Variants in ADAM22 observed in about 807,000 individuals in gnomAD.
ADAM22 encodes disintegrin and metalloproteinase domain-containing protein 22.
ADAM22 carries 65 observed loss-of-function variants against 144.6 expected under a neutral mutation model. That is an observed-to-expected ratio of 0.45 (90% CI 0.37 to 0.55). ADAM22 has a LOEUF of 0.55. ADAM22 is among the 20% of genes least tolerant of loss of function. The probability of loss-of-function intolerance (pLI) is 0.00; values close to 1 mark genes in which losing one functional copy is unlikely to be tolerated. For synonymous variants in ADAM22, 391 were observed against 412.6 expected (o/e 0.95, Z 0.63); for missense variants, 974 against 1,184.9 (o/e 0.82, Z 2.61).
At chr7:87,965,983 G>A (rs1848960775) in intron 2 of ADAM22, among the ~76,000 whole-genome samples, 1 of 152,112 alleles carries the variant, frequency 6.6e-6, no homozygotes, top group Non-Finnish European at 1.5e-5. Flanking sequence ...AGTTACATTA[G>A]TCTCTGCAAT....
chr7:88,113,439 C>T (rs1826596157), intron 5 of ADAM22, among the ~76,000 whole-genome samples: 1 of 150,804 alleles, frequency 6.6e-6, no homozygotes, highest in Non-Finnish European at 1.5e-5. Context: ...ATTATTGTAA[C>T]ATAGTATCTG....
At chr7:88,018,582 C>A (rs545029600) in intron 3 of ADAM22, among the ~76,000 whole-genome samples, 2 of 152,158 alleles carry the variant, frequency 1.3e-5, no homozygotes, top group Non-Finnish European at 2.9e-5. Flanking sequence ...AAAGCATCTG[C>A]TTTATTCCTT....
At chr7:88,105,747 C>G (rs190271222) in intron 4 of ADAM22, among the ~76,000 whole-genome samples, 143 of 152,244 alleles carry the variant, frequency 9.4e-4, no homozygotes, top group African/African-American at 3.2e-3. Context: ...AGGTAGACAA[C>G]CATAATCTCA....
chr7:88,194,841 T>G (rs1850347754), intron 31 of ADAM22, among the ~76,000 whole-genome samples: 1 of 152,154 alleles, frequency 6.6e-6, no homozygotes, highest in African/African-American at 2.4e-5. Context: ...CCACCACCAG[T>G]GTCACCCATT....
chr7:87,957,551 G>A (rs1205526937), intron 2 of ADAM22, among the ~76,000 whole-genome samples: 1 of 151,928 alleles, frequency 6.6e-6, no homozygotes, highest in Non-Finnish European at 1.5e-5. Flanking sequence ...TGCAACTGGT[G>A]TGCATCCTTT....
intron 4 of ADAM22, among the ~76,000 whole-genome samples, chr7:88,102,947 G>A (rs914082076): frequency 6.6e-6 from 1 of 152,136 alleles, no homozygotes; most frequent in Non-Finnish European, 1.5e-5. Context: ...CTCTCCAGTA[G>A]CACGTGTGGG....
chr7:88,093,169 G>A (rs1820385710), intron 4 of ADAM22, among the ~76,000 whole-genome samples: 1 of 151,842 alleles, frequency 6.6e-6, no homozygotes. Flanking sequence ...ATTATAGAAT[G>A]TCTTTTCCAA....
chr7:88,038,615 C>G (rs1005222979), intron 3 of ADAM22, among the ~76,000 whole-genome samples: 18 of 151,284 alleles, frequency 1.2e-4, no homozygotes, highest in African/African-American at 3.6e-4. Context: ...CCACCATGCC[C>G]GGCTAATTTT....
intron 17 of ADAM22, among the ~76,000 whole-genome samples, chr7:88,148,590 T>C (rs1837307420): frequency 6.6e-6 from 1 of 152,236 alleles, no homozygotes; most frequent in South Asian, 2.1e-4. Context: ...CAACCCAAAA[T>C]GTAATTTTTT....
chr7:87,948,846 T>C lies in ADAM22; in HGVS notation c.246+13660T>C, dbSNP rs1370739405. Among the ~76,000 whole-genome samples the C allele has an allele frequency of 2.0e-5, 3 of 152,150 alleles. No individual in the cohort carries two copies. The East Asian group carries it at 5.8e-4, about 29-fold the overall frequency. On this transcript the variant is annotated intron_variant, in intron 2 of 31. Transcript: ENST00000413139. Reference sequence around the variant, plus strand: ...CAGATTGTAATGTTGGGCTCACAATTGGTTATTCATATTCACTATTGTTTG... The same window carrying C: ...CAGATTGTAATGTTGGGCTCACAATCGGTTATTCATATTCACTATTGTTTG...
rs1257376917 is a variant in ADAM22, at chr7:88,114,657, CCTT to C, written c.537+13_537+15del. On this transcript the variant is annotated intron_variant, in intron 6 of 31. Transcript: ENST00000413139. ...AAATGACACTACTCAAGTAAGTGCT[CCTT>C]CTGTTTGTTGTGGCAAATGGAAATG... 6 of 1,613,184 alleles carry C rather than the reference CCTT, an allele frequency of 3.7e-6. No homozygotes were observed. Among genetic ancestry groups the C allele is most frequent in the Non-Finnish European group, 5.1e-6 (6 of 1,179,492 alleles).
chr7:88,140,773 C>T (rs1193363268), intron 14 of ADAM22, among the ~76,000 whole-genome samples: 8 of 152,018 alleles, frequency 5.3e-5, no homozygotes, highest in Admixed American at 5.2e-4. Context: ...GAGGTCCAGG[C>T]TGCAGTGAGT....
chr7:88,142,613 C>A (rs528999339), intron 14 of ADAM22, among the ~76,000 whole-genome samples: 1 of 151,942 alleles, frequency 6.6e-6, no homozygotes, highest in Non-Finnish European at 1.5e-5. Context: ...CCGAGGCGGG[C>A]GGATCACAAA....
At chr7:88,011,904 T>G (rs1369372528) in intron 3 of ADAM22, among the ~76,000 whole-genome samples, 1 of 152,156 alleles carries the variant, frequency 6.6e-6, no homozygotes, top group East Asian at 1.9e-4. Context: ...TGGAAAATTC[T>G]TGACTGTTAT....
chr7:87,963,442 TA>T (rs573132607), intron 2 of ADAM22, among the ~76,000 whole-genome samples: 1 of 151,978 alleles, frequency 6.6e-6, no homozygotes, highest in Non-Finnish European at 1.5e-5. Flanking sequence ...ACAAGAAGTT[TA>T]AAAAAAACTA....
chr7:88,034,317 G>A (rs759783171), intron 3 of ADAM22, among the ~76,000 whole-genome samples: 37 of 152,278 alleles, frequency 2.4e-4, no homozygotes, highest in South Asian at 4.1e-4. Context: ...TTGGGATAGC[G>A]TGTGTCTAGA....
At chr7:87,949,499 A>G (rs1844506016) in intron 2 of ADAM22, among the ~76,000 whole-genome samples, 1 of 152,220 alleles carries the variant, frequency 6.6e-6, no homozygotes, top group South Asian at 2.1e-4. Flanking sequence ...GTGTGACTTT[A>G]TTCACCAGAC....
chr7:88,160,826 G>A (rs915894540), intron 22 of ADAM22, among the ~76,000 whole-genome samples: 1 of 152,104 alleles, frequency 6.6e-6, no homozygotes, highest in African/African-American at 2.4e-5. Context: ...GGACATGGAT[G>A]AAGCTGGAAA....
At chr7:88,162,389 G>A (rs2129529533) in intron 22 of ADAM22, among the ~76,000 whole-genome samples, 1 of 152,052 alleles carries the variant, frequency 6.6e-6, no homozygotes, top group Non-Finnish European at 1.5e-5. Context: ...TGAGTACTAG[G>A]CTTAGTAGCT....
Sources: gnomAD v4.1 joint callset for allele counts (sites outside exome capture counted in the v4.1 genomes callset) on GRCh38, gnomAD v4.1.1 for gene constraint, MANE v1.5 for transcripts, NCBI Gene and HGNC (gene_info 2026-07-23, HGNC 2026-07-21) for gene names.